The following SCAF8 variants were observed in gnomAD, a reference collection of about 807,000 sequenced individuals.
SCAF8 encodes SR-related and CTD-associated factor 8.
A neutral mutation model predicts 140.5 loss-of-function variants in SCAF8; 23 were observed. The ratio of observed to expected loss-of-function variants is 0.16; its 90% CI spans 0.12 to 0.23. The LOEUF is 0.23. SCAF8 is among the 10% of genes least tolerant of loss of function. The pLI is 1.00. For synonymous variants in SCAF8, 575 were observed against 528.9 expected, an observed-to-expected ratio of 1.09 and a Z score of -1.20; for missense variants, 1,397 against 1,555.7, an observed-to-expected ratio of 0.90 and a Z score of 1.72.
intron 1 of SCAF8, among the ~76,000 whole-genome samples, chr6:154,764,229 A>C (rs1387218147): frequency 6.6e-6 from 1 of 152,106 alleles, no homozygotes; most frequent in African/African-American, 2.4e-5. Context: ...ATAAAGAATG[A>C]ATTAATTACA....
chr6:154,809,292 C>T (rs1378112027), intron 11 of SCAF8, among the ~76,000 whole-genome samples: 1 of 152,014 alleles, frequency 6.6e-6, no homozygotes, highest in Non-Finnish European at 1.5e-5. Flanking sequence ...CTATTTTTTG[C>T]GTATGAATGC....
At chr6:154,744,062 A>G (rs1212848870) in intron 1 of SCAF8, among the ~76,000 whole-genome samples, 1 of 152,220 alleles carries the variant, frequency 6.6e-6, no homozygotes, top group East Asian at 1.9e-4. Context: ...TGGGAGGCCA[A>G]GGTGGGTGGA....
chr6:154,734,190 G>A (rs1166082745), intron 1 of SCAF8, among the ~76,000 whole-genome samples: 1 of 152,214 alleles, frequency 6.6e-6, no homozygotes, highest in Non-Finnish European at 1.5e-5. Flanking sequence ...CTGCGAGCTC[G>A]GAGGGAAAGA....
intron 1 of SCAF8, among the ~76,000 whole-genome samples, chr6:154,759,218 C>T (rs1220102451): frequency 6.6e-6 from 1 of 152,172 alleles, no homozygotes; most frequent in Admixed American, 6.5e-5. Flanking sequence ...TTTACTCGAT[C>T]TTGGCTGGCA....
intron 1 of SCAF8, among the ~76,000 whole-genome samples, chr6:154,752,855 G>T (rs538889494): frequency 2.0e-5 from 3 of 152,094 alleles, no homozygotes; most frequent in Admixed American, 1.3e-4. Context: ...CAGAGTAGCT[G>T]GGATTATAGG....
At chr6:154,747,527 A>C (rs2114801746) in intron 1 of SCAF8, among the ~76,000 whole-genome samples, 1 of 152,088 alleles carries the variant, frequency 6.6e-6, no homozygotes, top group South Asian at 2.1e-4. Context: ...AAACAAAAAA[A>C]CCCATATACG....
chr6:154,824,504 C>T, intron 17 of SCAF8, 126 bp downstream of exon 17: 1 of 818,716 alleles, frequency 1.2e-6, no homozygotes, highest in Non-Finnish European at 1.9e-6. Context: ...TGTTAAAGCG[C>T]AGATTGCTGG....
At chr6:154,829,050 A>G (rs923362539) in intron 18 of SCAF8, among the ~76,000 whole-genome samples, 2 of 152,164 alleles carry the variant, frequency 1.3e-5, no homozygotes, top group African/African-American at 4.8e-5. Flanking sequence ...GCAGGTATCT[A>G]TAAATATTTG....
At chr6:154,800,661 GA>G (rs961772952) in intron 6 of SCAF8, among the ~76,000 whole-genome samples, 5 of 151,152 alleles carry the variant, frequency 3.3e-5, no homozygotes, top group African/African-American at 9.7e-5. Flanking sequence ...TAATGATTAT[GA>G]AAAATAGTAA....
At position 154,822,454 on chromosome 6, in the gene SCAF8, T is replaced by A. The variant is rs756401959; in HGVS notation, c.1926+45T>A. Reference sequence around the variant, plus strand: ...TTTTTTTTTCTTGTGTTGTTTTACATTTCTGTTTTTAATCATGTATTTACT... The same window carrying A: ...TTTTTTTTTCTTGTGTTGTTTTACAATTCTGTTTTTAATCATGTATTTACT... On this transcript the variant is annotated intron_variant, in intron 16 of 19. Coordinates refer to ENST00000367178, the MANE Select transcript of SCAF8 (RefSeq NM_014892.5). The A allele has an allele frequency of 1.9e-6, 3 of 1,558,642 alleles. No homozygotes were observed. The Admixed American group carries it at 6.2e-5, about 32-fold the overall frequency.
Position 154,734,065 on chromosome 6 carries a change from G to T in SCAF8, c.30+135G>T, listed in dbSNP as rs180788889. The T allele has an allele frequency of 9.9e-6, 13 of 1,311,544 alleles. No individual in the cohort carries two copies. In the Admixed American group the frequency reaches 3.5e-4, roughly 35 times the overall value. 81.2% of individuals were successfully genotyped at this position (1,311,544 alleles called of 1,614,324 possible). On this transcript the variant is annotated intron_variant, in intron 1 of 19. Coordinates refer to ENST00000367178, the MANE Select transcript of SCAF8 (RefSeq NM_014892.5). ...TGAGCGGTGGCCTAGCAGTGCCCGT[G>T]GGGGAGGGGTGTTTCTCCTCTGGGT...
At chr6:154,820,038 T>C in intron 14 of SCAF8, 139 bp from the exon 15 acceptor site, 1 of 605,514 alleles carries the variant, frequency 1.7e-6, no homozygotes, top group Non-Finnish European at 2.6e-6. Flanking sequence ...CTGTTAGTTT[T>C]TCAGCTTTGC....
At chr6:154,794,003 C>G (rs900254914) in intron 5 of SCAF8, among the ~76,000 whole-genome samples, 36 of 151,766 alleles carry the variant, frequency 2.4e-4, no homozygotes, top group Non-Finnish European at 4.4e-4. Flanking sequence ...CTCACTGCAG[C>G]CTCGACCTCC....
intron 16 of SCAF8, among the ~76,000 whole-genome samples, chr6:154,822,640 T>C (rs188947305): frequency 6.6e-6 from 1 of 152,296 alleles, no homozygotes; most frequent in Non-Finnish European, 1.5e-5. Flanking sequence ...ATGGAAATAT[T>C]GTTTCTGAAA....
chr6:154,802,604 A>C (rs2114900017), intron 7 of SCAF8, among the ~76,000 whole-genome samples: 1 of 150,714 alleles, frequency 6.6e-6, no homozygotes, highest in African/African-American at 2.4e-5. Flanking sequence ...GTGACAGAGA[A>C]AGACTCTTGA....
In SCAF8 at chr6:154,833,008, A is replaced by G; in HGVS notation, c.3429A>G (p.Gln1143=). 1.9e-6 allele frequency: 3 copies of G among 1,614,164 alleles called. No homozygotes were observed. The highest frequency in any genetic ancestry group is 2.5e-6 in the Non-Finnish European group (3 of 1,180,018). The change falls in exon 20 of 20, where the codon CAA becomes CAG. Residue 1143 remains glutamine, a synonymous_variant. Coordinates refer to ENST00000367178, the MANE Select transcript of SCAF8 (RefSeq NM_014892.5). The part of the protein sequence containing the change: ...RSGPWNRGFG[Q]EVHRDFDDRR... The stretch of plus-strand genomic sequence containing the variant: ...GTCCTTGGAACCGAGGATTTGGACA[A>G]GAAGTTCACAGAGATTTTGATGACC...
rs533371098 is a variant in SCAF8 at position 154,755,945 on chromosome 6, T to C, written c.31-18044T>C. Among the ~76,000 whole-genome samples, 12 of 152,362 alleles carry C rather than the reference T, an allele frequency of 7.9e-5. No homozygotes were observed. The South Asian group carries it at 2.5e-3, about 32-fold the overall frequency. On this transcript the variant is annotated intron_variant, in intron 1 of 19. Coordinates refer to ENST00000367178, the MANE Select transcript of SCAF8 (RefSeq NM_014892.5). ...GAGAGAGTTATTGATGAGTATGTTA[T>C]AAATGTAAATAGCCTGGAAGCGGAA...
chr6:154,739,588 A>G (rs891333654), intron 1 of SCAF8, among the ~76,000 whole-genome samples: 2 of 152,228 alleles, frequency 1.3e-5, no homozygotes, highest in Non-Finnish European at 2.9e-5. Context: ...ACCTTAGTTC[A>G]TAAATTGAGA....
At chr6:154,770,388 A>ACACACTCTCTCT (rs1384942827) in intron 1 of SCAF8, among the ~76,000 whole-genome samples, 24 of 141,918 alleles carry the variant, frequency 1.7e-4, no homozygotes, top group African/African-American at 6.0e-4. Context: ...ACACACACAC[A>ACACACTCTCTCT]CTCTCTCTCT....
Sources: allele counts gnomAD v4.1 joint callset (sites outside exome capture counted in the v4.1 genomes callset), GRCh38; gene constraint gnomAD v4.1.1; transcripts MANE v1.5; gene names NCBI Gene and HGNC (gene_info 2026-07-23, HGNC 2026-07-21).